The following COL4A4 variants were observed in gnomAD, a reference collection of about 807,000 sequenced individuals.
COL4A4 encodes the protein collagen alpha-4(IV) chain.
Under a neutral mutation model 192.9 loss-of-function variants are expected in COL4A4, and 105 were observed. The ratio of observed to expected loss-of-function variants is 0.54; its 90% CI spans 0.46 to 0.64. COL4A4 has a LOEUF of 0.64. Among genes scored for constraint, COL4A4 ranks in the 30% least tolerant of loss-of-function variants. COL4A4 has a pLI of 0.00. For synonymous variants in COL4A4, 762 were observed against 769.9 expected, an observed-to-expected ratio of 0.99 and a Z score of 0.17; for missense variants, 1,967 against 2,169.3, an observed-to-expected ratio of 0.91 and a Z score of 1.85.
In COL4A4 at chr2:227,057,435, T is replaced by G; in HGVS notation, c.2545+4A>C. 3.1e-6 allele frequency: 5 copies of G among 1,600,780 alleles called. No individual in the cohort carries two copies. Among genetic ancestry groups the G allele is most frequent in the Non-Finnish European group, 4.3e-6 (5 of 1,173,118 alleles). ...CCAGACCCTTCACAGTTCTTGACACTTACCTGGGCTACCTGGATACCCAGG... is the reference window on the plus strand; with the variant it reads ...CCAGACCCTTCACAGTTCTTGACACGTACCTGGGCTACCTGGATACCCAGG... On this transcript the variant is annotated splice_donor_region_variant and intron_variant, in intron 29 of 47. Coordinates refer to ENST00000396625, the MANE Select transcript of COL4A4 (RefSeq NM_000092.5).
At chr2:227,064,563 C>A (rs2058177228) in intron 25 of COL4A4, among the ~76,000 whole-genome samples, 1 of 152,142 alleles carries the variant, frequency 6.6e-6, no homozygotes, top group Admixed American at 6.5e-5. Flanking sequence ...GCAAAAAGAC[C>A]TTCACCAAGC....
intron 7 of COL4A4, among the ~76,000 whole-genome samples, chr2:227,118,088 A>G (rs2061584413): frequency 6.6e-6 from 1 of 152,098 alleles, no homozygotes; most frequent in Non-Finnish European, 1.5e-5. Flanking sequence ...GTGGGGTGAC[A>G]GGCAGTGGTT....
At position 227,059,442 on chromosome 2, in the gene COL4A4, T is replaced by C. The variant is rs199838682; in HGVS notation, c.2346A>G (p.Lys782=). 2.5e-5 allele frequency: 41 copies of C among 1,614,130 alleles called. No individual in the cohort carries two copies. In the African/African-American group the frequency reaches 5.1e-4, roughly 20 times the overall value. The stretch of plus-strand genomic sequence containing the variant: ...GACATCCCGGATCACCTCTGGGTCC[T>C]TTTATCCCTGGCACTCCTGAAAGAC... ...KRGLSGVPGI[K]GPRGDPGCPG... Residue 782 remains lysine, a synonymous_variant, in exon 28 of 48, where the codon AAA becomes AAG. Transcript: ENST00000396625.
intron 37 of COL4A4, among the ~76,000 whole-genome samples, chr2:227,041,333 A>C (rs1678151225): frequency 6.6e-6 from 1 of 152,070 alleles, no homozygotes; most frequent in Non-Finnish European, 1.5e-5. Flanking sequence ...CATCATAAAA[A>C]TCATTTGGCT....
chr2:227,078,147 G>A (rs1265309944), intron 24 of COL4A4, 70 bp from the exon 25 acceptor site: 3 of 1,534,840 alleles, frequency 2.0e-6, no homozygotes, highest in African/African-American at 1.4e-5. Flanking sequence ...GTCATTGTAG[G>A]TTACAGAAAC....
intron 29 of COL4A4, 147 bp from the exon 30 acceptor site, chr2:227,056,262 A>G: frequency 1.4e-6 from 1 of 711,168 alleles, no homozygotes; most frequent in East Asian, 2.7e-5. Context: ...ACTTTCCATC[A>G]ATCTAAGAAT....
chr2:227,082,862 T>C (rs2059396433), intron 22 of COL4A4, among the ~76,000 whole-genome samples: 2 of 152,194 alleles, frequency 1.3e-5, no homozygotes, highest in Non-Finnish European at 2.9e-5. Context: ...AACCACAACA[T>C]TGCTCAAATC....
intron 14 of COL4A4, 28 bp downstream of exon 14, chr2:227,103,116 A>C (rs759373439): frequency 1.7e-6 from 2 of 1,179,890 alleles, no homozygotes; most frequent in Non-Finnish European, 2.2e-6. Flanking sequence ...ACACAAATGA[A>C]AAAAAAAAAG....
chr2:227,010,456 G>A lies in COL4A4; in HGVS notation c.4379C>T (p.Pro1460Leu). The A allele has an allele frequency of 6.2e-7, 1 of 1,608,556 alleles. No homozygotes were observed. Among genetic ancestry groups the A allele is most frequent in the South Asian group, 1.1e-5 (1 of 90,230 alleles). Residue 1460 changes from proline to leucine, a missense_variant, in exon 46 of 48, where the codon CCT (proline) becomes CTT (leucine). Coordinates refer to ENST00000396625, the MANE Select transcript of COL4A4 (RefSeq NM_000092.5). ...IGDPGPKGFGPGYLGGFLLVL... is the reference protein window; with the variant it reads ...IGDPGPKGFGLGYLGGFLLVL... The stretch of plus-strand genomic sequence containing the variant: ...CAGGAGGAAGCCACCGAGGTATCCA[G>A]GGCCAAACCCTTTGGGCCCAGGATC...
the COL4A4 span, among the ~76,000 whole-genome samples, chr2:226,973,419 G>A: frequency 6.6e-6 from 1 of 152,232 alleles, no homozygotes; most frequent in East Asian, 1.9e-4. Flanking sequence ...TGGGAAGTGA[G>A]TGTTTGCCTG....
chr2:227,063,260 C>A (rs1399704557), intron 25 of COL4A4, among the ~76,000 whole-genome samples: 1 of 152,094 alleles, frequency 6.6e-6, no homozygotes, highest in African/African-American at 2.4e-5. Flanking sequence ...ATAGATATCA[C>A]CAATAAAACA....
intron 16 of COL4A4, 123 bp from the exon 17 acceptor site, chr2:227,101,680 T>G: frequency 9.2e-7 from 1 of 1,092,534 alleles, no homozygotes; most frequent in African/African-American, 1.6e-5. Flanking sequence ...ACACTGTTCA[T>G]CAGTTGCATC....
At chr2:227,086,110 T>A (rs1199459562) in intron 22 of COL4A4, among the ~76,000 whole-genome samples, 1 of 152,224 alleles carries the variant, frequency 6.6e-6, no homozygotes. Flanking sequence ...TGCCTTGCAC[T>A]AGAGCATCCT....
At chr2:227,071,864 A>C (rs917226472) in intron 25 of COL4A4, among the ~76,000 whole-genome samples, 1 of 152,098 alleles carries the variant, frequency 6.6e-6, no homozygotes, top group African/African-American at 2.4e-5. Context: ...TAATATTGAC[A>C]CAAGTTTTCA....
At chr2:226,987,032 A>G in the COL4A4 span, among the ~76,000 whole-genome samples, 2 of 152,328 alleles carry the variant, frequency 1.3e-5, no homozygotes, top group East Asian at 3.9e-4. Context: ...TTGCAGGGAC[A>G]TGGATGAAGC....
In COL4A4 at chr2:227,123,279, C is replaced by T. The variant is rs972701871; in HGVS notation, c.193-2131G>A. Among the ~76,000 whole-genome samples, 7 of 152,196 alleles carry T rather than the reference C, an allele frequency of 4.6e-5. No individual in the cohort carries two copies. Among genetic ancestry groups the T allele is most frequent in the African/African-American group, 1.7e-4 (7 of 41,452 alleles). On this transcript the variant is annotated intron_variant, in intron 4 of 47. Coordinates refer to ENST00000396625, the MANE Select transcript of COL4A4 (RefSeq NM_000092.5). The surrounding 1 kb of genome is among the most constrained non-coding windows in gnomAD (Gnocchi z 4.6). ...AGAACATTCACCACAGTGTTATATG[C>T]AATAGCAAGAGAAACCGGAAATCCA...
chr2:227,118,556 T>C, intron 7 of COL4A4, 89 bp downstream of exon 7: 1 of 1,010,362 alleles, frequency 9.9e-7, no homozygotes, highest in Non-Finnish European at 1.6e-6. Context: ...ACACTTGTAT[T>C]AACTCTGTTT....
At position 227,094,196 on chromosome 2, in the gene COL4A4, C is replaced by T. The variant is rs1468186854; in HGVS notation, c.1298G>A (p.Gly433Glu). 1 of 1,613,796 alleles carries T rather than the reference C, an allele frequency of 6.2e-7. No individual in the cohort carries two copies. Among genetic ancestry groups the T allele is most frequent in the South Asian group, 1.1e-5 (1 of 91,070 alleles). ...GIPGRPDSAP[G>E]KPGKPGSPGL... The stretch of plus-strand genomic sequence containing the variant: ...AGGTGATCCTGGCTTCCCTGGTTTT[C>T]CTGGAGCAGAATCAGGTCTCCCAGG... The change falls in exon 20 of 48, where the codon GGA (glycine) becomes GAA (glutamate). Residue 433 changes from glycine to glutamate, a missense_variant. By Grantham distance (98) the Gly-to-Glu change is moderately conservative. Transcript: ENST00000396625.
intron 46 of COL4A4, among the ~76,000 whole-genome samples, chr2:227,010,065 T>TTAGCCAGATAATAATAATATACTTATTA (rs1424226524): frequency 1.3e-5 from 2 of 152,144 alleles, no homozygotes; most frequent in African/African-American, 4.8e-5. Flanking sequence ...ATACTTATTA[T>TTAGCCAGATAATAATAATATACTTATTA]TAGCCAGATA....
Sources: gnomAD v4.1 joint callset for allele counts (sites outside exome capture counted in the v4.1 genomes callset) on GRCh38, gnomAD v4.1.1 for gene constraint, Gnocchi (gnomAD v3.1) non-coding constraint, MANE v1.5 for transcripts, NCBI Gene and HGNC (gene_info 2026-07-23, HGNC 2026-07-21) for gene names.